ENTREP2: variants seen among roughly 807,000 people sequenced by gnomAD.
The protein encoded by ENTREP2 is protein ENTREP2.
At chr15:29,129,330 G>A in the ENTREP2 span, among the ~76,000 whole-genome samples, 1 of 152,224 alleles carries the variant, frequency 6.6e-6, no homozygotes, top group South Asian at 2.1e-4. Flanking sequence ...CTCCCAAAGT[G>A]CTGGGATTAC....
the ENTREP2 span, among the ~76,000 whole-genome samples, chr15:29,353,059 A>G: frequency 0.41 from 62,785 of 152,096 alleles, 17,945 homozygotes; most frequent in African/African-American, 0.82. Context: ...CATGAATATC[A>G]GTTATAAAAC....
At chr15:29,319,186 C>T in the ENTREP2 span, among the ~76,000 whole-genome samples, 15 of 152,354 alleles carry the variant, frequency 9.8e-5, no homozygotes, top group South Asian at 3.1e-3. Flanking sequence ...CAGGCCACTT[C>T]TTACTTCACT....
At chr15:29,607,361 T>C in the ENTREP2 span, among the ~76,000 whole-genome samples, 6 of 151,806 alleles carry the variant, frequency 4.0e-5, no homozygotes, top group African/African-American at 1.5e-4. Flanking sequence ...ATTACCCTTG[T>C]ATTTGTTTAC....
the ENTREP2 span, among the ~76,000 whole-genome samples, chr15:29,570,222 G>T: frequency 6.6e-6 from 1 of 151,758 alleles, no homozygotes; most frequent in Non-Finnish European, 1.5e-5. Context: ...CGGCCGCTGC[G>T]GGCTCGGAGG....
the ENTREP2 span, among the ~76,000 whole-genome samples, chr15:29,626,428 C>A: frequency 8.0e-4 from 122 of 152,302 alleles, 1 homozygote; most frequent in African/African-American, 2.9e-3. Context: ...TCTTGCCTGC[C>A]TCCATGTAGG....
At chr15:29,171,002 G>C in the ENTREP2 span, among the ~76,000 whole-genome samples, 1 of 152,196 alleles carries the variant, frequency 6.6e-6, no homozygotes, top group Non-Finnish European at 1.5e-5. Flanking sequence ...GAAGGTGAAA[G>C]GCAGAAAGCT....
chr15:29,651,841 G>A, the ENTREP2 span, among the ~76,000 whole-genome samples: 1 of 152,216 alleles, frequency 6.6e-6, no homozygotes, highest in Non-Finnish European at 1.5e-5. Flanking sequence ...GCCTGCAGGT[G>A]CCCCTTAGTT....
chr15:29,299,020 T>C, the ENTREP2 span, among the ~76,000 whole-genome samples: 18 of 152,064 alleles, frequency 1.2e-4, no homozygotes, highest in Non-Finnish European at 2.5e-4. Flanking sequence ...GTAATGTCCA[T>C]GGAAATAAAC....
chr15:29,502,223 ACTACAATG>A, the ENTREP2 span, among the ~76,000 whole-genome samples: 1 of 151,990 alleles, frequency 6.6e-6, no homozygotes, highest in Non-Finnish European at 1.5e-5. Flanking sequence ...TTCCAAATTT[ACTACAATG>A]CTACAGTAAT....
the ENTREP2 span, among the ~76,000 whole-genome samples, chr15:29,492,077 T>TCTAG: frequency 1.4e-5 from 2 of 147,870 alleles, no homozygotes; most frequent in African/African-American, 2.5e-5. Flanking sequence ...TTTTTTTTTT[T>TCTAG]CTAGCTTGTG....
the ENTREP2 span, among the ~76,000 whole-genome samples, chr15:29,455,549 A>G: frequency 1.3e-5 from 2 of 152,298 alleles, no homozygotes; most frequent in South Asian, 2.1e-4. Context: ...TTTGTGTATG[A>G]TATTAGGTGA....
the ENTREP2 span, among the ~76,000 whole-genome samples, chr15:29,428,421 A>C: frequency 3.3e-5 from 5 of 151,944 alleles, no homozygotes; most frequent in African/African-American, 1.2e-4. Flanking sequence ...CACCATGTTG[A>C]CCAGGCTGGT....
chr15:29,556,471 T>G, the ENTREP2 span, among the ~76,000 whole-genome samples: 1 of 152,162 alleles, frequency 6.6e-6, no homozygotes, highest in Non-Finnish European at 1.5e-5. Context: ...AAATTTCTTG[T>G]GAAATTCCCA....
At chr15:29,297,784 C>T in the ENTREP2 span, among the ~76,000 whole-genome samples, 8 of 152,036 alleles carry the variant, frequency 5.3e-5, no homozygotes, top group Admixed American at 1.3e-4. Flanking sequence ...TGAATCCATG[C>T]GGGGTCTACA....
the ENTREP2 span, among the ~76,000 whole-genome samples, chr15:29,294,664 G>C: frequency 6.6e-6 from 1 of 152,186 alleles, no homozygotes; most frequent in East Asian, 1.9e-4. Flanking sequence ...TCTTGGAAAT[G>C]AAAGTGCCAT....
At chr15:29,638,026 A>C in the ENTREP2 span, among the ~76,000 whole-genome samples, 1 of 152,210 alleles carries the variant, frequency 6.6e-6, no homozygotes, top group African/African-American at 2.4e-5. Flanking sequence ...GGCACCTCCA[A>C]GTGTGTCTGT....
the ENTREP2 span, among the ~76,000 whole-genome samples, chr15:29,572,122 G>A: frequency 1.3e-5 from 2 of 152,308 alleles, no homozygotes; most frequent in East Asian, 3.9e-4. Flanking sequence ...CCTTGAAGGG[G>A]CTATAGCTCA....
chr15:29,255,742 C>T, the ENTREP2 span, among the ~76,000 whole-genome samples: 2 of 152,048 alleles, frequency 1.3e-5, no homozygotes, highest in Non-Finnish European at 2.9e-5. Flanking sequence ...TGGCTCATGC[C>T]TGTAATCCCA....
chr15:29,388,090 A>G, the ENTREP2 span, among the ~76,000 whole-genome samples: 1,888 of 152,334 alleles, frequency 0.012, 44 homozygotes, highest in African/African-American at 0.043. Context: ...CACCAAAAGC[A>G]ATGGCAACAA....
Sources: allele counts gnomAD v4.1 joint callset (sites outside exome capture counted in the v4.1 genomes callset), GRCh38; gene constraint gnomAD v4.1.1; transcripts MANE v1.5; gene names NCBI Gene and HGNC (gene_info 2026-07-23, HGNC 2026-07-21).